The following SOX5 variants were observed in gnomAD, a reference collection of about 807,000 sequenced individuals.
The protein encoded by SOX5 is transcription factor SOX-5.
SOX5 carries 9 observed loss-of-function variants against 92.0 expected under a neutral mutation model. The observed-to-expected ratio is 0.10, with a 90% CI of 0.06 to 0.17. The LOEUF (loss-of-function observed/expected upper bound fraction) is 0.17, where lower values mean the gene tolerates loss of function less well. Among genes scored for constraint, SOX5 ranks in the 10% least tolerant of loss-of-function variants. The probability of loss-of-function intolerance (pLI) is 1.00; values close to 1 mark genes in which losing one functional copy is unlikely to be tolerated. For synonymous variants in SOX5, 344 were observed against 336.3 expected (o/e 1.02, Z -0.25); for missense variants, 642 against 944.5 (o/e 0.68, Z 4.20).
chr12:23,719,121 T>C (rs1031246791), intron 6 of SOX5, among the ~76,000 whole-genome samples: 1 of 152,342 alleles, frequency 6.6e-6, no homozygotes, highest in Admixed American at 6.5e-5. Context: ...TTGGCTTCAA[T>C]ATTTTTTAAT....
At chr12:23,768,399 C>T (rs1177560975) in intron 3 of SOX5, among the ~76,000 whole-genome samples, 2 of 152,138 alleles carry the variant, frequency 1.3e-5, no homozygotes, top group African/African-American at 4.8e-5. Flanking sequence ...GCAGTTTTGT[C>T]TCAGCCCAAC....
intron 6 of SOX5, among the ~76,000 whole-genome samples, chr12:23,734,180 C>T (rs138896434): frequency 4.8e-4 from 73 of 152,210 alleles, no homozygotes; most frequent in African/African-American, 1.7e-3. Context: ...TATGGAGGTC[C>T]CACAGCCTTC....
intron 9 of SOX5, among the ~76,000 whole-genome samples, chr12:23,597,885 G>A (rs1436359439): frequency 1.3e-5 from 2 of 152,174 alleles, no homozygotes; most frequent in Admixed American, 6.5e-5. Flanking sequence ...ATTAGAAAAT[G>A]GTCAATTTAA....
rs555860854 is a variant in SOX5, at chr12:24,157,508, C to T, written c.-2+55835G>A. Among the ~76,000 whole-genome samples, 7 of 152,174 alleles carry T rather than the reference C, an allele frequency of 4.6e-5. No individual in the cohort carries two copies. The South Asian group carries it at 1.0e-3, about 23-fold the overall frequency. On this transcript the variant is annotated intron_variant, in intron 4 of 4. Coordinates refer to the SOX5 transcript ENST00000446891. Reference sequence around the variant, plus strand: ...GGTATAATTTACTAATCTCTAAATGCTTACTTGTTCAATGGGGCAACGCAA... The same window carrying T: ...GGTATAATTTACTAATCTCTAAATGTTTACTTGTTCAATGGGGCAACGCAA...
intron 2 of SOX5, among the ~76,000 whole-genome samples, chr12:24,324,948 ACT>A (rs1042119153): frequency 1.3e-4 from 20 of 152,088 alleles, no homozygotes; most frequent in African/African-American, 4.1e-4. Context: ...GTAAATATTT[ACT>A]CTTTTTTCCT....
intron 9 of SOX5, chr12:23,584,736 T>C (rs1339464259): frequency 3.2e-6 from 2 of 619,966 alleles, no homozygotes; most frequent in African/African-American, 1.9e-5. Flanking sequence ...TGTGAGTGTG[T>C]GTGTGTGTGT....
At chr12:24,225,260 C>T (rs1015046279) in intron 3 of SOX5, among the ~76,000 whole-genome samples, 1 of 152,174 alleles carries the variant, frequency 6.6e-6, no homozygotes, top group African/African-American at 2.4e-5. Flanking sequence ...AATCAGCTTG[C>T]CTACCAGTAA....
intron 4 of SOX5, among the ~76,000 whole-genome samples, chr12:23,967,391 A>T (rs1947717029): frequency 6.6e-6 from 1 of 152,220 alleles, no homozygotes; most frequent in African/African-American, 2.4e-5. Flanking sequence ...AAAAGTAACT[A>T]AATATGCAAA....
chr12:24,180,949 T>A (rs940127209), intron 4 of SOX5, among the ~76,000 whole-genome samples: 2 of 152,228 alleles, frequency 1.3e-5, no homozygotes, highest in Non-Finnish European at 2.9e-5. Context: ...TCAGATCTCC[T>A]ATGCATCTCA....
In SOX5 at chr12:23,546,354, T is replaced by C; in HGVS notation, c.1559A>G (p.His520Arg). 2 of 1,606,954 alleles carry C rather than the reference T, an allele frequency of 1.2e-6. No homozygotes were observed. Among genetic ancestry groups the C allele is most frequent in the Admixed American group, 1.7e-5 (1 of 59,966 alleles). ...ACTCAGATTGAAATCCATCATTGCA[T>C]GGCTAAATTTTCCTTCTTCATTCTG... is the stretch of plus-strand genomic sequence containing the variant. The part of the protein sequence containing the change: ...VKQNEEGKFS[H>R]AMMDFNLSGD... Residue 520 changes from histidine (H) to arginine (R), a missense_variant, in exon 12 of 15, where the codon CAT becomes CGT. Coordinates refer to ENST00000451604, the MANE Select transcript of SOX5 (RefSeq NM_006940.6).
chr12:23,600,522 CATATATATAT>C (rs371480644), intron 9 of SOX5, among the ~76,000 whole-genome samples: 44 of 39,810 alleles, frequency 1.1e-3, no homozygotes, highest in African/African-American at 1.9e-3. Context: ...GGGGGGGGTG[CATATATATAT>C]ATATATATAT....
chr12:23,734,369 T>C (rs1441430697), intron 6 of SOX5, among the ~76,000 whole-genome samples: 1 of 152,196 alleles, frequency 6.6e-6, no homozygotes, highest in Non-Finnish European at 1.5e-5. Context: ...CCTGCACCTA[T>C]CCAGTTAAGA....
intron 4 of SOX5, among the ~76,000 whole-genome samples, chr12:24,193,160 A>G (rs1956691437): frequency 6.6e-6 from 1 of 152,232 alleles, no homozygotes; most frequent in Admixed American, 6.5e-5. Context: ...ACAACGATAA[A>G]AACCCCAAAC....
At chr12:23,908,483 G>C (rs1204189138) in intron 1 of SOX5, among the ~76,000 whole-genome samples, 1 of 151,852 alleles carries the variant, frequency 6.6e-6, no homozygotes, top group Non-Finnish European at 1.5e-5. Context: ...GCCCCATACA[G>C]ACTTGGTTAC....
At chr12:23,832,658 C>T (rs1488056989) in intron 3 of SOX5, among the ~76,000 whole-genome samples, 1 of 151,754 alleles carries the variant, frequency 6.6e-6, no homozygotes, top group African/African-American at 2.4e-5. Context: ...TCAACAATCC[C>T]CTGATGAAAG....
At chr12:24,225,716 G>A (rs1219417874) in intron 3 of SOX5, among the ~76,000 whole-genome samples, 1 of 152,100 alleles carries the variant, frequency 6.6e-6, no homozygotes, top group African/African-American at 2.4e-5. Context: ...TCCTATGATG[G>A]TGTTATATTT....
chr12:24,235,806 T>A (rs960640051), intron 3 of SOX5, among the ~76,000 whole-genome samples: 2 of 152,206 alleles, frequency 1.3e-5, no homozygotes, highest in Non-Finnish European at 2.9e-5. Flanking sequence ...TAAATAAAGC[T>A]ACTTATATCC....
At chr12:23,823,174 A>T (rs1317590631) in intron 3 of SOX5, among the ~76,000 whole-genome samples, 1 of 152,058 alleles carries the variant, frequency 6.6e-6, no homozygotes. Flanking sequence ...CTAGTTGGTT[A>T]TTTTGCCTAT....
At chr12:23,743,527 G>T (rs528922392) in intron 4 of SOX5, among the ~76,000 whole-genome samples, 2 of 152,094 alleles carry the variant, frequency 1.3e-5, no homozygotes, top group South Asian at 2.1e-4. Flanking sequence ...GGCCAGGCCG[G>T]TCTCGAACTC....
Sources: gnomAD v4.1 joint callset for allele counts (sites outside exome capture counted in the v4.1 genomes callset) on GRCh38, gnomAD v4.1.1 for gene constraint, MANE v1.5 for transcripts, NCBI Gene and HGNC (gene_info 2026-07-23, HGNC 2026-07-21) for gene names.